The following ABI1 variants were observed in gnomAD, a reference collection of about 807,000 sequenced individuals.
ABI1 encodes Abelson interactor 1.
In ABI1, 14 loss-of-function variants were observed where a neutral mutation model predicts 54.6. That is an observed-to-expected ratio of 0.26 (90% confidence interval 0.17 to 0.40). ABI1 has a LOEUF of 0.40. Ranked by LOEUF, ABI1 falls within the 10% of genes least tolerant of loss-of-function variation. ABI1 has a pLI of 1.00. For missense variants in ABI1, 443 were observed against 598.3 expected (o/e 0.74, Z 2.71); for synonymous variants, 194 against 209.3 (o/e 0.93, Z 0.63).
chr10:26,773,215 C>CTTATTTTTTTTTTTTTTTTTTTTT lies in ABI1; in HGVS notation c.463-2127_463-2126insAAAAAAAAAAAAAAAAAAAAATAA, dbSNP rs1840934988. 2.2e-5 allele frequency among the ~76,000 whole-genome samples: 2 copies of CTTATTTTTTTTTTTTTTTTTTTTT among 92,528 alleles called. 1 individual carries two copies. Among genetic ancestry groups the CTTATTTTTTTTTTTTTTTTTTTTT allele is most frequent in the Non-Finnish European group, 4.1e-5 (2 of 48,682 alleles). The allele number at this position is 92,528 out of a possible 152,430, so 60.7% of individuals were successfully genotyped here. A position where few individuals can be genotyped will look rare whatever the true frequency, so the allele number is the denominator to read the frequency against. On this transcript the variant is annotated intron_variant, in intron 3 of 10. Transcript: ENST00000376140. ...AGGCACTAAATGTCTAATGCTAATT[C>CTTATTTTTTTTTTTTTTTTTTTTT]TTTTTTTTTTTTTGCTGGCTCTGTT... is the stretch of plus-strand genomic sequence containing the variant.
intron 7 of ABI1, among the ~76,000 whole-genome samples, chr10:26,761,575 G>GTA (rs1369707714): frequency 1.5e-5 from 2 of 137,858 alleles, no homozygotes; most frequent in East Asian, 4.2e-4. Flanking sequence ...CCCCCACAAG[G>GTA]TGTATGTTAA....
At chr10:26,840,991 T>C (rs761246666) in intron 1 of ABI1, among the ~76,000 whole-genome samples, 35 of 152,222 alleles carry the variant, frequency 2.3e-4, no homozygotes, top group Non-Finnish European at 4.6e-4. Context: ...ACTATGTCCC[T>C]GCTCAGGCCA....
At chr10:26,778,304 T>G (rs910156630) in intron 2 of ABI1, among the ~76,000 whole-genome samples, 1 of 152,070 alleles carries the variant, frequency 6.6e-6, no homozygotes, top group African/African-American at 2.4e-5. Flanking sequence ...CTCAACAACT[T>G]AAAATCTGGC....
At position 26,747,672 on chromosome 10, in the gene ABI1, A is replaced by G. The variant is rs1274652004; in HGVS notation, c.*898T>C. ...CTTAGTTTCAAAAGATTATTTAAAA[A>G]AGGAATTCAGTAGATTGACTTGTAA... On this transcript the variant is annotated 3_prime_UTR_variant, in exon 11 of 11. Transcript: ENST00000376140. 5.1e-6 allele frequency: 1 copy of G among 197,460 alleles called. No individual in the cohort carries two copies. The highest frequency in any genetic ancestry group is 1.9e-4 in the South Asian group (1 of 5,222). The allele number at this position is 197,460 out of a possible 1,614,324, so 12.2% of individuals were successfully genotyped here. A position where few individuals can be genotyped will look rare whatever the true frequency, so the allele number is the denominator to read the frequency against.
intron 4 of ABI1, 29 bp downstream of exon 4, chr10:26,771,046 T>C: frequency 6.2e-7 from 1 of 1,612,988 alleles, no homozygotes; most frequent in Non-Finnish European, 8.5e-7. Flanking sequence ...GGAAATACTG[T>C]GGATCAAATG....
intron 9 of ABI1, among the ~76,000 whole-genome samples, chr10:26,753,158 T>C (rs947935115): frequency 6.6e-6 from 1 of 152,192 alleles, no homozygotes; most frequent in African/African-American, 2.4e-5. Flanking sequence ...ATTTCTATTT[T>C]ATCCTCTCGA....
chr10:26,774,901 G>A (rs1278164478), intron 3 of ABI1, among the ~76,000 whole-genome samples: 1 of 152,062 alleles, frequency 6.6e-6, no homozygotes, highest in East Asian at 1.9e-4. Context: ...ACAGCAATAT[G>A]AGTAAATATT....
At chr10:26,803,221 G>C (rs777769722) in intron 2 of ABI1, among the ~76,000 whole-genome samples, 1 of 151,418 alleles carries the variant, frequency 6.6e-6, no homozygotes, top group Non-Finnish European at 1.5e-5. Flanking sequence ...GAATATGAGG[G>C]AAAAAAAGGG....
intron 2 of ABI1, among the ~76,000 whole-genome samples, chr10:26,800,291 A>C (rs1303633457): frequency 6.6e-6 from 1 of 152,146 alleles, no homozygotes; most frequent in African/African-American, 2.4e-5. Flanking sequence ...AGGCTGAGGC[A>C]GGAGAATCGC....
intron 7 of ABI1, among the ~76,000 whole-genome samples, chr10:26,763,241 A>T (rs1208686581): frequency 6.6e-6 from 1 of 152,144 alleles, no homozygotes; most frequent in African/African-American, 2.4e-5. Flanking sequence ...ACACCTCATT[A>T]TCCATTTCTA....
chr10:26,854,877 T>TAGAAAAAAGACAGGCAAGGATGCAGGAAA (rs2050688456), intron 1 of ABI1, among the ~76,000 whole-genome samples: 1 of 152,058 alleles, frequency 6.6e-6, no homozygotes, highest in African/African-American at 2.4e-5. Context: ...AGACTAACAA[T>TAGAAAAAAGACAGGCAAGGATGCAGGAAA]AGAAAAAAGA....
intron 3 of ABI1, among the ~76,000 whole-genome samples, chr10:26,772,240 ATT>A (rs765837378): frequency 3.9e-5 from 6 of 152,092 alleles, no homozygotes; most frequent in Non-Finnish European, 8.8e-5. Context: ...TAGAGAATAA[ATT>A]TTGAGTATAA....
intron 2 of ABI1, among the ~76,000 whole-genome samples, chr10:26,795,448 G>A (rs929027066): frequency 4.6e-5 from 7 of 152,076 alleles, no homozygotes; most frequent in African/African-American, 1.7e-4. Flanking sequence ...CAGAAAGGAA[G>A]TAGTAAAATT....
At position 26,761,661 on chromosome 10, in the gene ABI1, T is replaced by TATATATACAC. The variant is rs1375832167; in HGVS notation, c.821-2424_821-2423insGTGTATATAT. Reference sequence around the variant, plus strand: ...ATATATATATATATATATATATATATACACACACACATACACATATATAAC... The same window carrying TATATATACAC: ...ATATATATATATATATATATATATATATATATACACACACACACACATACACATATATAAC... On this transcript the variant is annotated intron_variant, in intron 7 of 10. Transcript: ENST00000376140. Among the ~76,000 whole-genome samples the TATATATACAC allele has an allele frequency of 1.9e-3, 148 of 78,824 alleles. 6 individuals are homozygous for TATATATACAC. The highest frequency in any genetic ancestry group is 5.3e-3 in the African/African-American group (102 of 19,254). 51.7% of individuals were successfully genotyped at this position (78,824 alleles called of 152,430 possible).
chr10:26,756,453 C>CT (rs1289164813), intron 8 of ABI1, among the ~76,000 whole-genome samples: 2 of 152,040 alleles, frequency 1.3e-5, no homozygotes, highest in African/African-American at 4.8e-5. Context: ...CAAAAGTGAC[C>CT]TTTTCATCAC....
intron 7 of ABI1, 147 bp downstream of exon 7, chr10:26,765,071 T>C (rs909842442): frequency 8.2e-6 from 5 of 609,490 alleles, no homozygotes; most frequent in Non-Finnish European, 1.1e-5. Flanking sequence ...TCTAAAAATA[T>C]TGTTAACTTT....
Position 26,748,759 on chromosome 10 carries a change from A to G in ABI1, c.1271-14T>C, listed in dbSNP as rs1162951694. ...ATATTGCAACAACTATGGAAAAAAC[A>G]GTTGAAATATCACATGAGTGCACTA... On this transcript the variant is annotated splice_polypyrimidine_tract_variant and intron_variant, in intron 10 of 10. Coordinates refer to ENST00000376140, the MANE Select transcript of ABI1 (RefSeq NM_001012750.3). 5 of 1,597,964 alleles carry G rather than the reference A, an allele frequency of 3.1e-6. No homozygotes were observed. Among genetic ancestry groups the G allele is most frequent in the Non-Finnish European group, 4.3e-6 (5 of 1,169,730 alleles).
intron 3 of ABI1, among the ~76,000 whole-genome samples, chr10:26,771,539 G>T (rs1840692923): frequency 6.6e-6 from 1 of 152,146 alleles, no homozygotes; most frequent in Non-Finnish European, 1.5e-5. Flanking sequence ...TTCAATGGTA[G>T]TATAGTTTAA....
At chr10:26,855,372 T>C (rs1021350471) in intron 1 of ABI1, among the ~76,000 whole-genome samples, 1 of 152,230 alleles carries the variant, frequency 6.6e-6, no homozygotes, top group Admixed American at 6.5e-5. Context: ...GATTCTTTCA[T>C]GTGAAAACAG....
Sources: gnomAD v4.1 joint callset for allele counts (sites outside exome capture counted in the v4.1 genomes callset) on GRCh38, gnomAD v4.1.1 for gene constraint, MANE v1.5 for transcripts, NCBI Gene and HGNC (gene_info 2026-07-23, HGNC 2026-07-21) for gene names.